LRRC4C: variants seen among roughly 807,000 people sequenced by gnomAD.
LRRC4C encodes leucine rich repeat containing 4C, also known as leucine-rich repeat-containing protein 4C.
A neutral mutation model predicts 33.6 loss-of-function variants in LRRC4C; 5 were observed. That is an observed-to-expected ratio of 0.15 (90% confidence interval 0.08 to 0.31). The LOEUF (loss-of-function observed/expected upper bound fraction) is 0.31. Ranked by LOEUF, LRRC4C falls within the 10% of genes least tolerant of loss-of-function variation. LRRC4C has a pLI of 1.00. For synonymous variants in LRRC4C, 329 were observed against 302.0 expected (o/e 1.09, Z -0.93); for missense variants, 560 against 796.7 (o/e 0.70, Z 3.58).
chr11:40,727,165 C>T (rs930566591), intron 2 of LRRC4C, among the ~76,000 whole-genome samples: 1 of 152,128 alleles, frequency 6.6e-6, no homozygotes, highest in South Asian at 2.1e-4. Context: ...ATACTTCAAA[C>T]ATACTGTAAG....
At chr11:41,123,368 G>A (rs1942566869) in intron 1 of LRRC4C, among the ~76,000 whole-genome samples, 1 of 140,800 alleles carries the variant, frequency 7.1e-6, no homozygotes, top group Non-Finnish European at 1.5e-5. Context: ...CGCCTCCCGG[G>A]TTCACGCCAT....
chr11:40,708,462 T>C (rs938470017), intron 2 of LRRC4C, among the ~76,000 whole-genome samples: 1 of 152,148 alleles, frequency 6.6e-6, no homozygotes, highest in African/African-American at 2.4e-5. Flanking sequence ...GCCTTCATTT[T>C]GTTAGGTACC....
intron 3 of LRRC4C, among the ~76,000 whole-genome samples, chr11:40,455,272 T>G (rs1306627884): frequency 6.6e-6 from 1 of 152,140 alleles, no homozygotes; most frequent in African/African-American, 2.4e-5. Context: ...CAAAACGAGG[T>G]GCTCACTAGT....
intron 1 of LRRC4C, among the ~76,000 whole-genome samples, chr11:41,095,216 G>A (rs1330857299): frequency 6.6e-6 from 1 of 152,046 alleles, no homozygotes; most frequent in Non-Finnish European, 1.5e-5. Flanking sequence ...AGCGCACAAC[G>A]AGCAAGTGCC....
At chr11:40,514,397 C>T (rs1034479559) in intron 3 of LRRC4C, among the ~76,000 whole-genome samples, 7 of 152,038 alleles carry the variant, frequency 4.6e-5, no homozygotes, top group African/African-American at 2.4e-5. Context: ...AGCTCTATGG[C>T]CTTGAGCAAG....
At chr11:40,628,506 A>C (rs1041899308) in intron 3 of LRRC4C, among the ~76,000 whole-genome samples, 1 of 152,104 alleles carries the variant, frequency 6.6e-6, no homozygotes, top group African/African-American at 2.4e-5. Context: ...AAAACAAAAC[A>C]AAACCTAATT....
At chr11:40,305,765 C>G (rs1428963187) in intron 4 of LRRC4C, among the ~76,000 whole-genome samples, 1 of 152,202 alleles carries the variant, frequency 6.6e-6, no homozygotes, top group African/African-American at 2.4e-5. Flanking sequence ...TTTAACCTCT[C>G]TAAGCCTCAA....
chr11:40,435,451 G>A (rs533240733), intron 3 of LRRC4C, among the ~76,000 whole-genome samples: 2 of 152,146 alleles, frequency 1.3e-5, no homozygotes, highest in Non-Finnish European at 2.9e-5. Flanking sequence ...AGTGATGGGA[G>A]GATTATCCAT....
chr11:41,225,818 A>G lies in LRRC4C; in HGVS notation c.-496+233613T>C, dbSNP rs560805071. Among the ~76,000 whole-genome samples, 5 of 152,214 alleles carry G rather than the reference A, an allele frequency of 3.3e-5. No individual in the cohort carries two copies. In the South Asian group the frequency reaches 1.0e-3, roughly 32 times the overall value. On this transcript the variant is annotated intron_variant, in intron 1 of 6. Coordinates refer to ENST00000528697, the MANE Select transcript of LRRC4C (RefSeq NM_001258419.2). ...CCTATGACATGCCAGCCGGTTTGAC[A>G]CCACTATTCAGAACTGAGAGCCTGG...
intron 2 of LRRC4C, among the ~76,000 whole-genome samples, chr11:40,649,240 G>A (rs747071820): frequency 2.6e-5 from 4 of 152,118 alleles, no homozygotes; most frequent in Admixed American, 6.5e-5. Context: ...CAGGAGACCA[G>A]GGCGTATTTC....
At chr11:40,374,612 C>G (rs968698516) in intron 3 of LRRC4C, among the ~76,000 whole-genome samples, 1 of 152,080 alleles carries the variant, frequency 6.6e-6, no homozygotes, top group African/African-American at 2.4e-5. Context: ...TCATAGTATT[C>G]TACTTTTAGA....
At chr11:41,143,610 G>T (rs1465997668) in intron 1 of LRRC4C, among the ~76,000 whole-genome samples, 1 of 152,058 alleles carries the variant, frequency 6.6e-6, no homozygotes, top group African/African-American at 2.4e-5. Context: ...CATCCAAAAG[G>T]AAACTCCAAA....
chr11:40,882,602 T>C (rs1246353553), intron 2 of LRRC4C, among the ~76,000 whole-genome samples: 1 of 152,112 alleles, frequency 6.6e-6, no homozygotes, highest in Non-Finnish European at 1.5e-5. Context: ...TGCCTAGTGA[T>C]GTCCTACTTA....
At chr11:40,425,046 G>A (rs1299243448) in intron 3 of LRRC4C, among the ~76,000 whole-genome samples, 4 of 152,058 alleles carry the variant, frequency 2.6e-5, no homozygotes, top group African/African-American at 7.2e-5. Flanking sequence ...AAATGCTACC[G>A]AGGTGTACAA....
intron 1 of LRRC4C, among the ~76,000 whole-genome samples, chr11:41,238,653 T>C (rs1948120574): frequency 6.6e-6 from 1 of 152,148 alleles, no homozygotes; most frequent in Non-Finnish European, 1.5e-5. Flanking sequence ...GAACATGGGA[T>C]AGAATATAGA....
intron 5 of LRRC4C, among the ~76,000 whole-genome samples, chr11:40,144,537 T>G (rs1234907589): frequency 1.3e-5 from 2 of 152,182 alleles, no homozygotes; most frequent in African/African-American, 4.8e-5. Context: ...AAAGGTCTTG[T>G]TGAAAACAAG....
chr11:41,367,903 A>G (rs1952603514), intron 1 of LRRC4C, among the ~76,000 whole-genome samples: 1 of 152,178 alleles, frequency 6.6e-6, no homozygotes, highest in African/African-American at 2.4e-5. Flanking sequence ...CTAGAAAAAA[A>G]TAATCCATTG....
At chr11:40,860,331 A>C (rs1954023960) in intron 2 of LRRC4C, among the ~76,000 whole-genome samples, 1 of 152,150 alleles carries the variant, frequency 6.6e-6, no homozygotes, top group South Asian at 2.1e-4. Context: ...CCAGCCGAGT[A>C]AGTTACACAA....
At chr11:40,481,604 T>C (rs1953569831) in intron 3 of LRRC4C, among the ~76,000 whole-genome samples, 1 of 152,150 alleles carries the variant, frequency 6.6e-6, no homozygotes, top group African/African-American at 2.4e-5. Flanking sequence ...TTGAATATAA[T>C]ATGGAAATTG....
Sources: gnomAD v4.1 joint callset for allele counts (sites outside exome capture counted in the v4.1 genomes callset) on GRCh38, gnomAD v4.1.1 for gene constraint, MANE v1.5 for transcripts, NCBI Gene and HGNC (gene_info 2026-07-23, HGNC 2026-07-21) for gene names.